PRKCH: variants seen among roughly 807,000 people sequenced by gnomAD.
The protein encoded by PRKCH is protein kinase C eta type.
In PRKCH, 28 loss-of-function variants were observed where a neutral mutation model predicts 82.5. The observed-to-expected ratio is 0.34, with a 90% CI of 0.25 to 0.47. The LOEUF is 0.47. Ranked by LOEUF, PRKCH falls within the 20% of genes least tolerant of loss-of-function variation. The pLI is 1.00. For missense variants in PRKCH, 705 were observed against 881.8 expected (o/e 0.80, Z 2.54); for synonymous variants, 322 against 327.4 (o/e 0.98, Z 0.18).
rs75517997 is a variant in PRKCH at position 61,360,550 on chromosome 14, C to T, written c.364-30675C>T. On this transcript the variant is annotated intron_variant, in intron 1 of 13. Transcript: ENST00000332981. ...AAAGAAAAACTCGAAGAGGCTAAAA[C>T]GTATCCTGGAACTAAATATTTACAT... 1.4e-4 allele frequency among the ~76,000 whole-genome samples: 22 copies of T among 152,202 alleles called. No homozygotes were observed. In the East Asian group the frequency reaches 2.9e-3, roughly 20 times the overall value.
At chr14:61,196,932 A>G (rs2044446236) in intron 1 of PRKCH, among the ~76,000 whole-genome samples, 1 of 152,154 alleles carries the variant, frequency 6.6e-6, no homozygotes, top group African/African-American at 2.4e-5. Flanking sequence ...TTGCATCCCT[A>G]TGACTTCTCT....
intron 1 of PRKCH, among the ~76,000 whole-genome samples, chr14:61,189,127 A>ACTCGCAGAG (rs561212147): frequency 6.6e-6 from 1 of 152,302 alleles, no homozygotes; most frequent in African/African-American, 2.4e-5. Flanking sequence ...TGCGGCGGTG[A>ACTCGCAGAG]CTCGCAGAGC....
chr14:61,539,766 T>G lies in PRKCH; in HGVS notation c.1762-7977T>G, dbSNP rs2043158393. On this transcript the variant is annotated intron_variant, in intron 12 of 13. Transcript: ENST00000332981. ...AAAATAGAAGAAAGAAAAGAGTCCC[T>G]TGATATGGGCACAGACTGTGGAGGC... 3.9e-5 allele frequency among the ~76,000 whole-genome samples: 6 copies of G among 152,306 alleles called. 1 individual carries two copies. In the South Asian group the frequency reaches 1.2e-3, roughly 32 times the overall value.
intron 1 of PRKCH, among the ~76,000 whole-genome samples, chr14:61,208,352 A>T (rs2044543754): frequency 6.6e-6 from 1 of 152,306 alleles, no homozygotes; most frequent in Non-Finnish European, 1.5e-5. Context: ...GGACAAAAAA[A>T]ATTATAAGAC....
At chr14:61,395,127 T>A (rs1957911) in intron 2 of PRKCH, among the ~76,000 whole-genome samples, 3,821 of 152,264 alleles carry the variant, frequency 0.025, 167 homozygotes, top group African/African-American at 0.086. Flanking sequence ...GAACCCCATA[T>A]CTGTTCTCTG....
intron 9 of PRKCH, among the ~76,000 whole-genome samples, chr14:61,473,359 T>A (rs981295320): frequency 3.9e-5 from 6 of 152,068 alleles, no homozygotes; most frequent in Non-Finnish European, 5.9e-5. Flanking sequence ...TAACATAAGA[T>A]TTGCATGTTA....
intron 1 of PRKCH, among the ~76,000 whole-genome samples, chr14:61,210,790 C>CTCTGTGTG (rs1351869252): frequency 6.5e-5 from 9 of 138,982 alleles, no homozygotes; most frequent in Non-Finnish European, 1.4e-4. Flanking sequence ...CTCTCTCTCT[C>CTCTGTGTG]TGTGTGTGTG....
Position 61,549,769 on chromosome 14 carries a change from C to T in PRKCH, c.1990C>T (p.Pro664Ser), listed in dbSNP as rs867387801. 1 of 1,613,950 alleles carries T rather than the reference C, an allele frequency of 6.2e-7. No homozygotes were observed. The highest frequency in any genetic ancestry group is 8.5e-7 in the Non-Finnish European group (1 of 1,179,986). ...VLTPIDEGHL[P>S]MINQDEFRNF... The stretch of plus-strand genomic sequence containing the variant: ...AACTCCAATTGATGAGGGACATCTT[C>T]CAATGATTAACCAGGATGAGTTTAG... Residue 664 changes from proline (P) to serine (S), a missense_variant, in exon 14 of 14, where the codon CCA (proline) becomes TCA (serine). Pro to Ser is a moderately conservative substitution (Grantham distance 74). This residue lies in a region of PRKCH where 91 missense variants were observed against 81.2 expected (regional missense o/e 1.12). Transcript: ENST00000332981.
chr14:61,537,137 T>G (rs960617551), intron 12 of PRKCH, among the ~76,000 whole-genome samples: 2 of 152,204 alleles, frequency 1.3e-5, no homozygotes, highest in African/African-American at 4.8e-5. Context: ...AGACTATTTT[T>G]CTTGCTTCCC....
chr14:61,203,389 G>A (rs1260610605), intron 1 of PRKCH, among the ~76,000 whole-genome samples: 2 of 152,138 alleles, frequency 1.3e-5, no homozygotes, highest in Non-Finnish European at 2.9e-5. Context: ...CCAAAGTGCT[G>A]GGAAAGCCAG....
At chr14:61,421,626 G>A (rs1042176628) in intron 2 of PRKCH, among the ~76,000 whole-genome samples, 2 of 152,102 alleles carry the variant, frequency 1.3e-5, no homozygotes, top group South Asian at 4.1e-4. Context: ...TCTAGCAGTA[G>A]TGTACTACTT....
chr14:61,454,589 GTCCAGCAGT>G (rs1884674860), intron 7 of PRKCH, among the ~76,000 whole-genome samples: 3 of 152,216 alleles, frequency 2.0e-5, no homozygotes, highest in African/African-American at 7.2e-5. Context: ...CAGCCCTGGA[GTCCAGCAGT>G]TCTGAAGTTT....
chr14:61,462,944 C>T (rs910395735), intron 9 of PRKCH: 2 of 152,380 alleles, frequency 1.3e-5, no homozygotes, highest in African/African-American at 4.8e-5. Flanking sequence ...GTCAGGCTGA[C>T]TCTGACTCCA....
At chr14:61,545,558 TTTG>T (rs376431630) in intron 12 of PRKCH, among the ~76,000 whole-genome samples, 18 of 152,274 alleles carry the variant, frequency 1.2e-4, no homozygotes, top group African/African-American at 4.1e-4. Flanking sequence ...GTGTGTGTGT[TTTG>T]TTTTTTCTTT....
At chr14:61,209,468 T>C (rs2044552778) in intron 1 of PRKCH, among the ~76,000 whole-genome samples, 1 of 152,072 alleles carries the variant, frequency 6.6e-6, no homozygotes, top group African/African-American at 2.4e-5. Context: ...TCGTATTTTA[T>C]CATAGCATCC....
intron 1 of PRKCH, among the ~76,000 whole-genome samples, chr14:61,289,078 C>T (rs975216579): frequency 1.1e-4 from 16 of 152,172 alleles, no homozygotes; most frequent in African/African-American, 3.6e-4. Context: ...CTTTTGGTTG[C>T]CACAGCTTTG....
intron 10 of PRKCH, among the ~76,000 whole-genome samples, chr14:61,522,830 A>G (rs982709262): frequency 1.3e-5 from 2 of 152,238 alleles, no homozygotes; most frequent in Admixed American, 1.3e-4. Context: ...CTCATGGACA[A>G]TACTAAAGAA....
chr14:61,218,944 C>T (rs1566784608), intron 1 of PRKCH, among the ~76,000 whole-genome samples: 1 of 152,200 alleles, frequency 6.6e-6, no homozygotes, highest in Non-Finnish European at 1.5e-5. Flanking sequence ...ATACAGTCCC[C>T]TCCTGAGGCT....
intron 1 of PRKCH, among the ~76,000 whole-genome samples, chr14:61,314,577 G>A (rs1039908432): frequency 6.6e-5 from 10 of 152,114 alleles, no homozygotes; most frequent in African/African-American, 1.7e-4. Flanking sequence ...TTTTATGGGA[G>A]GATTATTTTT....
Sources: allele counts gnomAD v4.1 joint callset (sites outside exome capture counted in the v4.1 genomes callset), GRCh38; gene constraint gnomAD v4.1.1; regional missense constraint gnomAD v4.1.1; transcripts MANE v1.5; gene names NCBI Gene and HGNC (gene_info 2026-07-23, HGNC 2026-07-21).